Variants in ADAMTS12 observed in about 807,000 individuals in gnomAD.
ADAMTS12 encodes the protein A disintegrin and metalloproteinase with thrombospondin motifs 12.
In ADAMTS12, 118 loss-of-function variants were observed where a neutral mutation model predicts 167.8. That is an observed-to-expected ratio of 0.70 (90% confidence interval 0.61 to 0.82). The LOEUF is 0.82. Ranked by LOEUF, ADAMTS12 falls within the 40% of genes least tolerant of loss-of-function variation. The pLI is 0.00. For missense variants in ADAMTS12, 1,916 were observed against 1,998.8 expected (o/e 0.96, Z 0.79); for synonymous variants, 704 against 716.9 (o/e 0.98, Z 0.29).
chr5:33,807,707 T>C (rs1033658980), intron 2 of ADAMTS12, among the ~76,000 whole-genome samples: 7 of 152,220 alleles, frequency 4.6e-5, no homozygotes, highest in African/African-American at 1.4e-4. Context: ...ACTTCAAGAA[T>C]GGAGAGTAAA....
At chr5:33,597,368 C>T (rs1313285501) in intron 16 of ADAMTS12, among the ~76,000 whole-genome samples, 1 of 152,220 alleles carries the variant, frequency 6.6e-6, no homozygotes, top group African/African-American at 2.4e-5. Context: ...CAAAGGCTGG[C>T]ACCCTGAGCT....
intron 2 of ADAMTS12, among the ~76,000 whole-genome samples, chr5:33,814,729 A>G (rs544186254): frequency 6.6e-6 from 1 of 152,336 alleles, no homozygotes; most frequent in East Asian, 1.9e-4. Flanking sequence ...GCAAGTGTAC[A>G]ACATGCACAC....
intron 2 of ADAMTS12, among the ~76,000 whole-genome samples, chr5:33,844,752 C>T (rs905497676): frequency 2.0e-5 from 3 of 152,282 alleles, no homozygotes; most frequent in South Asian, 4.1e-4. Context: ...TGTAGACTCC[C>T]TTCCCTTTGA....
chr5:33,604,676 ATT>A (rs1738353133), intron 16 of ADAMTS12, among the ~76,000 whole-genome samples: 1 of 151,974 alleles, frequency 6.6e-6, no homozygotes, highest in Non-Finnish European at 1.5e-5. Flanking sequence ...TATCCGGTAT[ATT>A]GTCAATGTCA....
intron 21 of ADAMTS12, 21 bp downstream of exon 21, chr5:33,549,186 C>A: frequency 6.2e-7 from 1 of 1,608,018 alleles, no homozygotes; most frequent in Non-Finnish European, 8.5e-7. Flanking sequence ...GAGGACATCT[C>A]TCCCTTTGTG....
At chr5:33,681,984 A>T (rs10063126) in intron 5 of ADAMTS12, among the ~76,000 whole-genome samples, 8,029 of 152,322 alleles carry the variant, frequency 0.053, 438 homozygotes, top group East Asian at 0.17. Context: ...GTTTGTATTT[A>T]AAATGATCAA....
intron 23 of ADAMTS12, among the ~76,000 whole-genome samples, chr5:33,532,823 G>A (rs924952728): frequency 1.1e-4 from 17 of 152,156 alleles, no homozygotes; most frequent in Non-Finnish European, 1.5e-5. Flanking sequence ...ATACTTAGGA[G>A]TATGTTATGT....
chr5:33,541,016 G>A (rs1473612326), intron 22 of ADAMTS12, among the ~76,000 whole-genome samples: 1 of 152,122 alleles, frequency 6.6e-6, no homozygotes, highest in Admixed American at 6.5e-5. Flanking sequence ...GCTTCGGAAG[G>A]TCAGTAATAA....
At chr5:33,838,952 A>G (rs1748636717) in intron 2 of ADAMTS12, among the ~76,000 whole-genome samples, 1 of 152,202 alleles carries the variant, frequency 6.6e-6, no homozygotes, top group Non-Finnish European at 1.5e-5. Context: ...GCTGGATAAA[A>G]AACGACTGGA....
chr5:33,660,956 G>C (rs1741237191), intron 6 of ADAMTS12, among the ~76,000 whole-genome samples: 1 of 152,168 alleles, frequency 6.6e-6, no homozygotes, highest in Non-Finnish European at 1.5e-5. Context: ...TCCTTGTAGG[G>C]ATTCTATGCA....
intron 1 of ADAMTS12, among the ~76,000 whole-genome samples, chr5:33,891,148 T>C (rs1293302012): frequency 6.6e-6 from 1 of 152,184 alleles, no homozygotes; most frequent in Admixed American, 6.5e-5. Flanking sequence ...CAGCCAGCTG[T>C]GGTCAGTGAG....
intron 3 of ADAMTS12, among the ~76,000 whole-genome samples, chr5:33,684,484 A>C (rs2112264308): frequency 6.6e-6 from 1 of 152,344 alleles, no homozygotes; most frequent in East Asian, 1.9e-4. Flanking sequence ...ATTGATGCTC[A>C]AAGTGGCTGG....
chr5:33,574,245 G>T (rs1746547861), intron 19 of ADAMTS12, among the ~76,000 whole-genome samples: 1 of 151,882 alleles, frequency 6.6e-6, no homozygotes, highest in Non-Finnish European at 1.5e-5. Context: ...TCCCATTACT[G>T]GGTATATACC....
chr5:33,614,963 T>C (rs920056404), intron 15 of ADAMTS12, among the ~76,000 whole-genome samples: 2 of 152,238 alleles, frequency 1.3e-5, no homozygotes, highest in African/African-American at 4.8e-5. Flanking sequence ...CTACTCAGTA[T>C]CTTTAACAAA....
intron 2 of ADAMTS12, among the ~76,000 whole-genome samples, chr5:33,816,361 C>T (rs901503678): frequency 2.0e-5 from 3 of 152,056 alleles, no homozygotes; most frequent in African/African-American, 7.2e-5. Flanking sequence ...TTGAAATGTA[C>T]AATACTCTGT....
chr5:33,529,825 T>C (rs955620025), intron 23 of ADAMTS12, among the ~76,000 whole-genome samples: 2 of 152,208 alleles, frequency 1.3e-5, no homozygotes, highest in African/African-American at 4.8e-5. Flanking sequence ...TCAGCTTTCC[T>C]TCTTCAGGCC....
At chr5:33,723,272 C>T (rs1367584300) in intron 3 of ADAMTS12, among the ~76,000 whole-genome samples, 1 of 152,190 alleles carries the variant, frequency 6.6e-6, no homozygotes, top group Non-Finnish European at 1.5e-5. Flanking sequence ...TGCATATAAA[C>T]TACTCTCTTA....
chr5:33,801,989 G>A (rs975851178), intron 2 of ADAMTS12, among the ~76,000 whole-genome samples: 3 of 152,222 alleles, frequency 2.0e-5, no homozygotes, highest in Non-Finnish European at 2.9e-5. Flanking sequence ...AAGGCGATCA[G>A]GCCATGAGAA....
intron 3 of ADAMTS12, among the ~76,000 whole-genome samples, chr5:33,693,952 A>C (rs942941146): frequency 4.6e-5 from 7 of 152,206 alleles, no homozygotes; most frequent in African/African-American, 1.7e-4. Flanking sequence ...CAATGACTTT[A>C]GCAAAGTCTC....
Sources: gnomAD v4.1 joint callset for allele counts (sites outside exome capture counted in the v4.1 genomes callset) on GRCh38, gnomAD v4.1.1 for gene constraint, MANE v1.5 for transcripts, NCBI Gene and HGNC (gene_info 2026-07-23, HGNC 2026-07-21) for gene names.